The following CCBE1 variants were observed in gnomAD, a reference collection of about 807,000 sequenced individuals.
CCBE1 encodes the protein collagen and calcium binding EGF domains 1.
CCBE1 carries 37 observed loss-of-function variants against 50.0 expected under a neutral mutation model. That is an observed-to-expected ratio of 0.74 (90% CI 0.57 to 0.97). The LOEUF is 0.97. Among genes scored for constraint, CCBE1 ranks in the 50% least tolerant of loss-of-function variants. The pLI is 0.00. For missense variants in CCBE1, 538 were observed against 523.8 expected (o/e 1.03, Z -0.26); for synonymous variants, 234 against 203.7 (o/e 1.15, Z -1.27).
chr18:59,470,068 G>A (rs1316188359), intron 3 of CCBE1, among the ~76,000 whole-genome samples: 3 of 152,200 alleles, frequency 2.0e-5, no homozygotes, highest in African/African-American at 7.2e-5. Context: ...AGAGAGGTAG[G>A]AAGGGGGCTT....
At chr18:59,651,479 T>C (rs1353833872) in intron 2 of CCBE1, among the ~76,000 whole-genome samples, 1 of 152,204 alleles carries the variant, frequency 6.6e-6, no homozygotes, top group Non-Finnish European at 1.5e-5. Context: ...CTGTGAGGGA[T>C]TAGGCTGGCA....
At chr18:59,458,150 AT>A in intron 5 of CCBE1, among the ~76,000 whole-genome samples, 1 of 148,574 alleles carries the variant, frequency 6.7e-6, no homozygotes, top group Non-Finnish European at 1.5e-5. Context: ...CCATCCATCT[AT>A]CCATCCATCC....
chr18:59,676,901 G>A (rs1181835586), intron 2 of CCBE1, among the ~76,000 whole-genome samples: 2 of 152,174 alleles, frequency 1.3e-5, no homozygotes, highest in Admixed American at 6.5e-5. Flanking sequence ...AATAGAACAG[G>A]TAATAGCCTG....
At chr18:59,499,113 T>G (rs1220495072) in intron 2 of CCBE1, among the ~76,000 whole-genome samples, 1 of 152,260 alleles carries the variant, frequency 6.6e-6, no homozygotes, top group Admixed American at 6.5e-5. Context: ...GATAAAGGAT[T>G]CCTTCATTTA....
chr18:59,517,119 G>T (rs924934430), intron 2 of CCBE1, among the ~76,000 whole-genome samples: 2 of 152,224 alleles, frequency 1.3e-5, no homozygotes, highest in African/African-American at 4.8e-5. Context: ...GTCATTGGAG[G>T]TGGAATTCTG....
At chr18:59,547,990 T>C (rs933603850) in intron 2 of CCBE1, among the ~76,000 whole-genome samples, 1 of 152,202 alleles carries the variant, frequency 6.6e-6, no homozygotes, top group Non-Finnish European at 1.5e-5. Context: ...CTCCTTGTGG[T>C]TGGAATGAAG....
At chr18:59,505,367 A>C (rs946600099) in intron 2 of CCBE1, among the ~76,000 whole-genome samples, 2 of 152,236 alleles carry the variant, frequency 1.3e-5, no homozygotes, top group Non-Finnish European at 2.9e-5. Context: ...CTAACCTGTG[A>C]AATGTTCATC....
chr18:59,668,601 A>G (rs2054388946), intron 2 of CCBE1, among the ~76,000 whole-genome samples: 1 of 152,022 alleles, frequency 6.6e-6, no homozygotes. Context: ...TACTCTTATC[A>G]TTGCACATTT....
intron 3 of CCBE1, among the ~76,000 whole-genome samples, chr18:59,472,356 C>G (rs1912073088): frequency 2.6e-5 from 4 of 152,312 alleles, no homozygotes; most frequent in Middle Eastern, 3.4e-3. Context: ...GTTAGCAATT[C>G]TTCATATTAA....
At chr18:59,677,576 A>G (rs2054522517) in intron 2 of CCBE1, among the ~76,000 whole-genome samples, 1 of 152,186 alleles carries the variant, frequency 6.6e-6, no homozygotes, top group Non-Finnish European at 1.5e-5. Context: ...AGGAAAGAGG[A>G]AAAATGTGAG....
intron 2 of CCBE1, among the ~76,000 whole-genome samples, chr18:59,545,982 A>G (rs116858999): frequency 0.011 from 1,601 of 152,304 alleles, 13 homozygotes; most frequent in Non-Finnish European, 0.016. Flanking sequence ...ACATCCCTAT[A>G]TAATGCATTC....
In CCBE1 at chr18:59,696,628, C is replaced by T. The variant is rs769098836; in HGVS notation, c.212+1G>A. The T allele has an allele frequency of 1.9e-6, 3 of 1,613,946 alleles. No individual in the cohort carries two copies. Among genetic ancestry groups the T allele is most frequent in the Admixed American group, 1.7e-5 (1 of 60,030 alleles). ...ACAGCCCGCAGAGCCCCCAGGCTTA[C>T]CTGTAGCATGTGGTGAGCTCGCCTG... On this transcript the variant is annotated splice_donor_variant, in intron 2 of 10. Transcript: ENST00000439986. LOFTEE classifies it high-confidence loss of function.
rs1598908070 is a variant in CCBE1, at chr18:59,447,923, G to A, written c.775+60C>T. 3 of 1,611,622 alleles carry A rather than the reference G, an allele frequency of 1.9e-6. No individual in the cohort carries two copies. In the East Asian group the frequency reaches 6.7e-5, roughly 36 times the overall value. On this transcript the variant is annotated intron_variant, in intron 7 of 10. Coordinates refer to ENST00000439986, the MANE Select transcript of CCBE1 (RefSeq NM_133459.4). ...ACATTGTCCAGGCCCCAGCAAATGT[G>A]AGCTTTTGGCAGGCTTTTTCTGTTG... is the stretch of plus-strand genomic sequence containing the variant.
chr18:59,677,377 G>T (rs2054519418), intron 2 of CCBE1, among the ~76,000 whole-genome samples: 1 of 152,128 alleles, frequency 6.6e-6, no homozygotes, highest in Admixed American at 6.5e-5. Flanking sequence ...GTGAGTGGGG[G>T]CTGGTCGGGG....
chr18:59,583,535 G>A (rs1325767059), intron 2 of CCBE1, among the ~76,000 whole-genome samples: 2 of 152,042 alleles, frequency 1.3e-5, no homozygotes, highest in African/African-American at 4.8e-5. Flanking sequence ...TTATCAAATG[G>A]CCAATGCCCT....
intron 7 of CCBE1, among the ~76,000 whole-genome samples, chr18:59,443,143 G>C (rs1241864344): frequency 6.6e-6 from 1 of 152,254 alleles, no homozygotes; most frequent in Non-Finnish European, 1.5e-5. Flanking sequence ...CATGGAAGCT[G>C]ATGGGGAAGA....
intron 2 of CCBE1, among the ~76,000 whole-genome samples, chr18:59,551,035 G>T (rs1027357822): frequency 9.9e-6 from 1 of 100,510 alleles, no homozygotes; most frequent in East Asian, 2.6e-4. Context: ...AAAAAGAAAA[G>T]AAAAGAAAAG....
At chr18:59,592,426 A>G (rs2053285130) in intron 2 of CCBE1, among the ~76,000 whole-genome samples, 1 of 152,166 alleles carries the variant, frequency 6.6e-6, no homozygotes. Flanking sequence ...GGCAACTCAA[A>G]ACCCGTATTT....
chr18:59,681,900 C>A (rs546429814), intron 2 of CCBE1, among the ~76,000 whole-genome samples: 1 of 152,184 alleles, frequency 6.6e-6, no homozygotes, highest in Non-Finnish European at 1.5e-5. Context: ...AAACTAAATG[C>A]GCTTCTGTTT....
Sources: allele counts gnomAD v4.1 joint callset (sites outside exome capture counted in the v4.1 genomes callset), GRCh38; gene constraint gnomAD v4.1.1; transcripts MANE v1.5; gene names NCBI Gene and HGNC (gene_info 2026-07-23, HGNC 2026-07-21).